CALN1: variants seen among roughly 807,000 people sequenced by gnomAD.
The protein encoded by CALN1 is calneuron 1.
A neutral mutation model predicts 30.6 loss-of-function variants in CALN1; 17 were observed. The observed-to-expected ratio is 0.56, with a 90% confidence interval of 0.38 to 0.83. The LOEUF is 0.83. Ranked by LOEUF, CALN1 falls within the 40% of genes least tolerant of loss-of-function variation. The pLI, the probability that CALN1 is intolerant of heterozygous loss-of-function variation, is 0.00. For synonymous variants in CALN1, 156 were observed against 131.4 expected, an observed-to-expected ratio of 1.19 and a Z score of -1.28; for missense variants, 291 against 354.9, an observed-to-expected ratio of 0.82 and a Z score of 1.45.
At chr7:71,980,375 C>A (rs1364147842) in intron 5 of CALN1, among the ~76,000 whole-genome samples, 1 of 151,520 alleles carries the variant, frequency 6.6e-6, no homozygotes, top group Non-Finnish European at 1.5e-5. Flanking sequence ...TTAGTAGAGA[C>A]AGGGTTTTAC....
At chr7:72,367,184 T>C (rs1490569403) in intron 2 of CALN1, among the ~76,000 whole-genome samples, 2 of 152,024 alleles carry the variant, frequency 1.3e-5, no homozygotes, top group South Asian at 2.1e-4. Flanking sequence ...TGGAAGCAGG[T>C]TGGGACTAGA....
At chr7:72,500,269 C>CTTTTTTTTTTTTTTTTTTTTTTT in the CALN1 span, among the ~76,000 whole-genome samples, 10 of 51,396 alleles carry the variant, frequency 1.9e-4, 2 homozygotes, top group Admixed American at 6.1e-4. Flanking sequence ...TTCGTTCCTT[C>CTTTTTTTTTTTTTTTTTTTTTTT]TTTTTTTTTT....
chr7:72,373,562 G>C (rs2129560429), intron 2 of CALN1, among the ~76,000 whole-genome samples: 2 of 152,280 alleles, frequency 1.3e-5, no homozygotes, highest in Admixed American at 6.5e-5. Flanking sequence ...AAATAGGCTT[G>C]TGTTAGGTGA....
intron 3 of CALN1, among the ~76,000 whole-genome samples, chr7:72,254,482 T>G (rs1795779657): frequency 6.6e-6 from 1 of 152,148 alleles, no homozygotes; most frequent in Admixed American, 6.5e-5. Flanking sequence ...CCCAAGTGAC[T>G]TGTAGCTATC....
intron 5 of CALN1, among the ~76,000 whole-genome samples, chr7:71,989,686 G>A (rs1261317896): frequency 2.0e-5 from 3 of 152,100 alleles, no homozygotes; most frequent in Non-Finnish European, 4.4e-5. Flanking sequence ...AGGGTTGGAG[G>A]GGAGTTAGCA....
At chr7:72,312,271 G>A (rs959254681) in intron 2 of CALN1, among the ~76,000 whole-genome samples, 6 of 151,902 alleles carry the variant, frequency 3.9e-5, no homozygotes, top group African/African-American at 7.3e-5. Context: ...GGGTGTGGTG[G>A]TGCATATCTG....
chr7:71,927,968 C>A (rs576497367), intron 5 of CALN1, among the ~76,000 whole-genome samples: 1 of 152,268 alleles, frequency 6.6e-6, no homozygotes, highest in South Asian at 2.1e-4. Context: ...TGCTTCCTTG[C>A]TGCAATGGTC....
chr7:71,937,540 G>A (rs190054155), intron 5 of CALN1, among the ~76,000 whole-genome samples: 33 of 152,230 alleles, frequency 2.2e-4, no homozygotes, highest in Admixed American at 9.2e-4. Context: ...GTCCGGTGGT[G>A]CAATCATAGC....
In CALN1 at chr7:71,809,024, C is replaced by A. The variant is rs144217227; in HGVS notation, c.658+1312G>T. 3.7e-4 allele frequency among the ~76,000 whole-genome samples: 57 copies of A among 152,260 alleles called. 1 individual carries two copies. The East Asian group carries it at 8.5e-3, about 23-fold the overall frequency. ...CCAAATACAGTCATTGATGCTATCA[C>A]CCCATTGTCACAGCAAGGAGACCAA... On this transcript the variant is annotated intron_variant, in intron 6 of 6. Coordinates refer to ENST00000395275, the MANE Select transcript of CALN1 (RefSeq NM_031468.4).
intron 1 of CALN1, among the ~76,000 whole-genome samples, chr7:72,431,574 C>A (rs1807980137): frequency 6.6e-6 from 1 of 152,184 alleles, no homozygotes; most frequent in African/African-American, 2.4e-5. Flanking sequence ...TGCAGTGGCT[C>A]ATGCCTATAA....
At chr7:72,415,811 C>T (rs1049694928), upstream of CALN1, among the ~76,000 whole-genome samples, 2 of 152,138 alleles carry the variant, frequency 1.3e-5, no homozygotes, top group South Asian at 2.1e-4. Context: ...CATAGAACTG[C>T]GCTACTGGAC....
chr7:72,043,731 C>T (rs1057224846), intron 4 of CALN1, among the ~76,000 whole-genome samples: 13 of 152,158 alleles, frequency 8.5e-5, no homozygotes, highest in Admixed American at 2.0e-4. Context: ...GTCTAGACAA[C>T]AGAGTGAGAC....
At chr7:72,193,794 A>C (rs1193479449) in intron 3 of CALN1, among the ~76,000 whole-genome samples, 1 of 152,238 alleles carries the variant, frequency 6.6e-6, no homozygotes, top group African/African-American at 2.4e-5. Flanking sequence ...AAGGAACAAA[A>C]TAGTGGCATT....
chr7:71,787,897 A>G lies in CALN1; in HGVS notation c.664T>C (p.Ser222Pro). Residue 222 changes from serine (S) to proline (P), a missense_variant, in exon 7 of 7, where the codon TCC becomes CCC. Physicochemically the swap from Ser to Pro is moderately conservative, Grantham distance 74. Coordinates refer to ENST00000395275, the MANE Select transcript of CALN1 (RefSeq NM_031468.4). ...NCQTEFEGVH[S>P]QKQNRQTCVR... ...CAGGTCTGTCTGTTCTGCTTCTGGG[A>G]ATGCACTGGTGGTGGGAGAAGCAGG... is the stretch of plus-strand genomic sequence containing the variant. 6.2e-7 allele frequency: 1 copy of G among 1,614,020 alleles called. No homozygotes were observed.
chr7:71,802,446 T>TTA (rs1356274871), intron 6 of CALN1, among the ~76,000 whole-genome samples: 4 of 152,120 alleles, frequency 2.6e-5, no homozygotes, highest in African/African-American at 9.7e-5. Context: ...GTCCAACCTG[T>TTA]TATGGGGATA....
At chr7:72,458,976 C>T in the CALN1 span, among the ~76,000 whole-genome samples, 35,209 of 149,022 alleles carry the variant, frequency 0.24, 4,544 homozygotes, top group African/African-American at 0.29. Flanking sequence ...AGTGGCACAA[C>T]CTCAGCTCAC....
chr7:72,209,024 CCCT>C (rs1792117282), intron 3 of CALN1, among the ~76,000 whole-genome samples: 2 of 10,452 alleles, frequency 1.9e-4, no homozygotes, highest in Non-Finnish European at 3.3e-4. Flanking sequence ...TTCCTTCCTT[CCCT>C]CCTTCCTTCT....
In CALN1 at chr7:72,372,941, GAATTATCTGGCA is replaced by G. The variant is rs555314233; in HGVS notation, c.119+30298_119+30309del. 3.3e-3 allele frequency among the ~76,000 whole-genome samples: 501 copies of G among 152,218 alleles called. 1 individual carries two copies. Among genetic ancestry groups the G allele is most frequent in the Non-Finnish European group, 6.2e-3 (420 of 68,014 alleles). On this transcript the variant is annotated intron_variant, in intron 2 of 6. Transcript: ENST00000395275. ...GGATGCCAAAATGACATGGATGTTGGAATTATCTGGCAAATTATCTGGCAAAAAGGTAGCTAC... is the reference window on the plus strand; with the variant it reads ...GGATGCCAAAATGACATGGATGTTGGAATTATCTGGCAAAAAGGTAGCTAC...
intron 5 of CALN1, among the ~76,000 whole-genome samples, chr7:71,866,942 C>T (rs1339072583): frequency 2.6e-5 from 4 of 151,954 alleles, no homozygotes; most frequent in Non-Finnish European, 5.9e-5. Flanking sequence ...GTCAGGAGTT[C>T]GAGACCAGTC....
Sources: gnomAD v4.1 joint callset for allele counts (sites outside exome capture counted in the v4.1 genomes callset) on GRCh38, gnomAD v4.1.1 for gene constraint, MANE v1.5 for transcripts, NCBI Gene and HGNC (gene_info 2026-07-23, HGNC 2026-07-21) for gene names.